The following ADAMTS9 variants were observed in gnomAD, a reference collection of about 807,000 sequenced individuals.
ADAMTS9 encodes A disintegrin and metalloproteinase with thrombospondin motifs 9.
A neutral mutation model predicts 257.1 loss-of-function variants in ADAMTS9; 107 were observed. The observed-to-expected ratio is 0.42, with a 90% CI of 0.36 to 0.49. The LOEUF is 0.49. ADAMTS9 is among the 20% of genes least tolerant of loss of function. The pLI is 0.03. For synonymous variants in ADAMTS9, 982 were observed against 880.9 expected (o/e 1.11, Z -2.03); for missense variants, 2,353 against 2,469.1 (o/e 0.95, Z 1.00).
In ADAMTS9 at chr3:64,541,546, T is replaced by C; in HGVS notation, c.5272A>G (p.Ile1758Val). The change falls in exon 34 of 40, where the codon ATT (isoleucine) becomes GTT (valine). Residue 1758 changes from isoleucine (I) to valine (V), a missense_variant. Physicochemically the swap from Ile to Val is conservative, Grantham distance 29. Transcript: ENST00000498707. ...TTCACCTTCAGAAGCTTTCCTCTAA[T>C]CATCAGGAAATATTCACCATCTTCA... Reference protein sequence around the residue: ...ASEDGEYFLMIRGKLLKIFCA... With the variant: ...ASEDGEYFLMVRGKLLKIFCA... 1 of 1,614,068 alleles carries C rather than the reference T, an allele frequency of 6.2e-7. No individual in the cohort carries two copies. The highest frequency in any genetic ancestry group is 8.5e-7 in the Non-Finnish European group (1 of 1,179,916).
intron 8 of ADAMTS9, 147 bp downstream of exon 8, chr3:64,654,206 T>C (rs776686920): frequency 1.4e-5 from 11 of 777,502 alleles, no homozygotes; most frequent in East Asian, 2.5e-5. Flanking sequence ...TTCACCTAAT[T>C]AGGTTCAAAG....
Position 64,633,432 on chromosome 3 carries a change from G to C in ADAMTS9, c.2175+40C>G, listed in dbSNP as rs1044577849. ...GGAAGCCACAAATCACAGGTTGGCA[G>C]CGGGAAAACACAGTGAAGAAAACAC... is the stretch of plus-strand genomic sequence containing the variant. On this transcript the variant is annotated intron_variant, in intron 14 of 39. Coordinates refer to ENST00000498707, the MANE Select transcript of ADAMTS9 (RefSeq NM_182920.2). 5 of 1,609,592 alleles carry C rather than the reference G, an allele frequency of 3.1e-6. No homozygotes were observed. The African/African-American group carries it at 4.0e-5, about 13-fold the overall frequency.
chr3:64,663,221 T>C (rs568525242), intron 3 of ADAMTS9, among the ~76,000 whole-genome samples: 2 of 152,218 alleles, frequency 1.3e-5, no homozygotes, highest in African/African-American at 4.8e-5. Flanking sequence ...CAAAGAATCA[T>C]TAAACTGTAC....
At chr3:64,537,223 T>A (rs959744151) in intron 37 of ADAMTS9, among the ~76,000 whole-genome samples, 7 of 152,214 alleles carry the variant, frequency 4.6e-5, no homozygotes, top group African/African-American at 1.7e-4. Flanking sequence ...TTGTCAGGAT[T>A]TAGCAAATCA....
intron 2 of ADAMTS9, among the ~76,000 whole-genome samples, chr3:64,683,780 T>G (rs1297925920): frequency 6.6e-6 from 1 of 152,006 alleles, no homozygotes; most frequent in Non-Finnish European, 1.5e-5. Context: ...AGCTCCAATA[T>G]AGGAGAAAAA....
intron 38 of ADAMTS9, among the ~76,000 whole-genome samples, chr3:64,527,061 A>G (rs1303394535): frequency 2.6e-5 from 4 of 152,166 alleles, no homozygotes; most frequent in Non-Finnish European, 5.9e-5. Context: ...AAACTTATTG[A>G]TCCTAAAGAA....
At chr3:64,518,263 A>T (rs2082804975) in intron 39 of ADAMTS9, among the ~76,000 whole-genome samples, 1 of 152,204 alleles carries the variant, frequency 6.6e-6, no homozygotes, top group South Asian at 2.1e-4. Flanking sequence ...TTCTTAAGAT[A>T]ACAAATTTCC....
rs565125527 is a variant in ADAMTS9, at chr3:64,579,470, C to A, written c.4357-10935G>T. Among the ~76,000 whole-genome samples the A allele has an allele frequency of 2.3e-4, 35 of 152,198 alleles. No individual in the cohort carries two copies. In the Middle Eastern group the frequency reaches 0.02, roughly 89 times the overall value. On this transcript the variant is annotated intron_variant, in intron 28 of 39. Coordinates refer to ENST00000498707, the MANE Select transcript of ADAMTS9 (RefSeq NM_182920.2). ...ATTTATTTTTATCTATGGCAACTGC[C>A]GTCTTCTTTCATAATATATATTTGA...
intron 12 of ADAMTS9, among the ~76,000 whole-genome samples, chr3:64,634,771 A>G (rs1057191011): frequency 6.6e-6 from 1 of 152,196 alleles, no homozygotes; most frequent in Admixed American, 6.5e-5. Flanking sequence ...CCTGCAACTG[A>G]AAGGACATTT....
At position 64,549,839 on chromosome 3, in the gene ADAMTS9, G is replaced by A. The variant is rs146447778; in HGVS notation, c.4869+1053C>T. Among the ~76,000 whole-genome samples, 86 of 152,318 alleles carry A rather than the reference G, an allele frequency of 5.6e-4. No individual in the cohort carries two copies. In the East Asian group the frequency reaches 0.016, roughly 28 times the overall value. On this transcript the variant is annotated intron_variant, in intron 31 of 39. Transcript: ENST00000498707. ...ACAAAATTCACAGGAATAAAGGATA[G>A]GGCGAGATAATTAGAAAAGACTTTG...
At chr3:64,613,599 G>C in intron 21 of ADAMTS9, 90 bp from the exon 22 acceptor site, 1 of 1,303,482 alleles carries the variant, frequency 7.7e-7, no homozygotes, top group Non-Finnish European at 1.0e-6. Flanking sequence ...GAACAGGTGT[G>C]TCCTTTTCCC....
intron 16 of ADAMTS9, among the ~76,000 whole-genome samples, chr3:64,629,487 T>C (rs1700313301): frequency 6.6e-6 from 1 of 152,218 alleles, no homozygotes; most frequent in African/African-American, 2.4e-5. Flanking sequence ...GACTTTGCAA[T>C]GGCTATTCCC....
intron 3 of ADAMTS9, among the ~76,000 whole-genome samples, chr3:64,669,345 G>C (rs1425647913): frequency 3.9e-5 from 6 of 151,996 alleles, no homozygotes; most frequent in African/African-American, 9.7e-5. Flanking sequence ...TCATACTTTT[G>C]AACATCCCCT....
At chr3:64,527,878 G>C (rs1217127324) in intron 38 of ADAMTS9, among the ~76,000 whole-genome samples, 1 of 152,198 alleles carries the variant, frequency 6.6e-6, no homozygotes, top group Non-Finnish European at 1.5e-5. Context: ...CGAAACATGA[G>C]AGTGGGCTGC....
chr3:64,572,772 T>C (rs953950924), intron 28 of ADAMTS9, among the ~76,000 whole-genome samples: 8 of 152,104 alleles, frequency 5.3e-5, no homozygotes, highest in Non-Finnish European at 1.0e-4. Flanking sequence ...GGCTGGAAGA[T>C]GCAGGGGCTT....
At chr3:64,672,760 C>T (rs1010477519) in intron 3 of ADAMTS9, among the ~76,000 whole-genome samples, 1 of 152,196 alleles carries the variant, frequency 6.6e-6, no homozygotes, top group African/African-American at 2.4e-5. Flanking sequence ...ACAAACCTAA[C>T]TTGCCACCTT....
chr3:64,571,319 T>C (rs1553704502), intron 28 of ADAMTS9, among the ~76,000 whole-genome samples: 1 of 152,222 alleles, frequency 6.6e-6, no homozygotes, highest in Non-Finnish European at 1.5e-5. Flanking sequence ...ATTGGTGTTT[T>C]CAGAATGGCA....
rs367643651 is a variant in ADAMTS9, at chr3:64,647,029, G to A, written c.1710+911C>T. ...TGCTACCAATTCTATAAGGTAAAGC[G>A]GAGGAAAAGGAAATGAGATGAGAAT... On this transcript the variant is annotated intron_variant, in intron 11 of 39. Transcript: ENST00000498707. Among the ~76,000 whole-genome samples, 38 of 152,118 alleles carry A rather than the reference G, an allele frequency of 2.5e-4. No homozygotes were observed. In the East Asian group the frequency reaches 6.6e-3, roughly 26 times the overall value.
intron 26 of ADAMTS9, among the ~76,000 whole-genome samples, chr3:64,598,968 A>C (rs1376810893): frequency 1.3e-5 from 2 of 151,800 alleles, no homozygotes; most frequent in African/African-American, 4.9e-5. Context: ...ACAGCTCTAG[A>C]AACTCCATGG....
Sources: allele counts gnomAD v4.1 joint callset (sites outside exome capture counted in the v4.1 genomes callset), GRCh38; gene constraint gnomAD v4.1.1; transcripts MANE v1.5; gene names NCBI Gene and HGNC (gene_info 2026-07-23, HGNC 2026-07-21).